PIBF1: variants seen among roughly 807,000 people sequenced by gnomAD.
PIBF1 encodes the protein progesterone-induced-blocking factor 1.
A neutral mutation model predicts 112.5 loss-of-function variants in PIBF1; 90 were observed. The ratio of observed to expected loss-of-function variants is 0.80; its 90% CI spans 0.67 to 0.95. The LOEUF (loss-of-function observed/expected upper bound fraction) is 0.95. Among genes scored for constraint, PIBF1 ranks in the 40% least tolerant of loss-of-function variants. The pLI, the probability that PIBF1 is intolerant of heterozygous loss-of-function variation, is 0.00. For missense variants in PIBF1, 915 were observed against 852.3 expected (o/e 1.07, Z -0.92); for synonymous variants, 301 against 288.6 (o/e 1.04, Z -0.44).
chr13:72,860,287 C>T (rs2038631189), intron 10 of PIBF1, among the ~76,000 whole-genome samples: 1 of 148,364 alleles, frequency 6.7e-6, no homozygotes, highest in Admixed American at 6.8e-5. Flanking sequence ...CTGTAGTTCG[C>T]TTTCCCTGTG....
At chr13:72,880,058 T>C (rs1310777851) in intron 10 of PIBF1, among the ~76,000 whole-genome samples, 1 of 152,200 alleles carries the variant, frequency 6.6e-6, no homozygotes, top group Non-Finnish European at 1.5e-5. Context: ...CAGTGATAAT[T>C]GTCTGTCTGT....
intron 10 of PIBF1, among the ~76,000 whole-genome samples, chr13:72,869,272 G>A (rs1045005971): frequency 3.3e-5 from 5 of 152,036 alleles, no homozygotes; most frequent in Admixed American, 6.6e-5. Context: ...TACACCATGG[G>A]ATACTATGCA....
At chr13:72,963,597 ATAAG>A (rs1310112263) in intron 14 of PIBF1, among the ~76,000 whole-genome samples, 1 of 152,182 alleles carries the variant, frequency 6.6e-6, no homozygotes, top group Non-Finnish European at 1.5e-5. Context: ...CCATCTCAAA[ATAAG>A]TAAGTAAGTA....
At chr13:72,931,742 ATG>A (rs1555317868) in intron 14 of PIBF1, among the ~76,000 whole-genome samples, 1 of 142,064 alleles carries the variant, frequency 7.0e-6, no homozygotes, top group African/African-American at 2.6e-5. Context: ...ATATATATAT[ATG>A]TATGCATTTT....
intron 12 of PIBF1, among the ~76,000 whole-genome samples, chr13:72,911,218 A>G (rs2138668347): frequency 6.6e-6 from 1 of 152,288 alleles, no homozygotes; most frequent in East Asian, 1.9e-4. Context: ...AATTGGAAGA[A>G]TTGCACTACC....
chr13:72,905,386 A>C (rs1265812770), intron 11 of PIBF1, among the ~76,000 whole-genome samples: 1 of 152,000 alleles, frequency 6.6e-6, no homozygotes, highest in Non-Finnish European at 1.5e-5. Context: ...ACTTTTAACC[A>C]CCACAATATT....
rs1170646568 is a variant in PIBF1, at chr13:72,931,214, A to G, written c.1780A>G (p.Ile594Val). 6.2e-7 allele frequency: 1 copy of G among 1,613,216 alleles called. No homozygotes were observed. Among genetic ancestry groups the G allele is most frequent in the East Asian group, 2.2e-5 (1 of 44,776 alleles). The change falls in exon 14 of 18, where the codon ATT becomes GTT. Residue 594 changes from isoleucine (I) to valine (V), a missense_variant. Physicochemically the swap from Ile to Val is conservative, Grantham distance 29. Coordinates refer to ENST00000326291, the MANE Select transcript of PIBF1 (RefSeq NM_006346.4). Reference sequence around the variant, plus strand: ...TCAATTAGAAAAACAAAACTCGCTGATTTTAAAAGATCTGGAACATCGAAA... The same window carrying G: ...TCAATTAGAAAAACAAAACTCGCTGGTTTTAAAAGATCTGGAACATCGAAA... Reference protein sequence around the residue: ...VLQLEKQNSLILKDLEHRKDQ... With the variant: ...VLQLEKQNSLVLKDLEHRKDQ...
chr13:72,782,536 G>A (rs2034326516), intron 1 of PIBF1, among the ~76,000 whole-genome samples, 187 bp downstream of exon 1: 1 of 152,102 alleles, frequency 6.6e-6, no homozygotes, highest in Admixed American at 6.5e-5. Flanking sequence ...AAGAAGGAGG[G>A]AGGCCGATCT....
chr13:72,956,145 T>C (rs2042439265), intron 14 of PIBF1, among the ~76,000 whole-genome samples: 1 of 152,118 alleles, frequency 6.6e-6, no homozygotes, highest in South Asian at 2.1e-4. Context: ...CATTATGAAT[T>C]CATGTTATTG....
At chr13:72,830,899 C>T (rs2037075416) in intron 8 of PIBF1, among the ~76,000 whole-genome samples, 2 of 152,076 alleles carry the variant, frequency 1.3e-5, no homozygotes, top group East Asian at 1.9e-4. Flanking sequence ...TCCATCTCAT[C>T]CTGGATTTTT....
Position 72,905,818 on chromosome 13 carries a change from G to T in PIBF1, c.1489-2713G>T, listed in dbSNP as rs139649908. On this transcript the variant is annotated intron_variant, in intron 11 of 17. Coordinates refer to ENST00000326291, the MANE Select transcript of PIBF1 (RefSeq NM_006346.4). Reference sequence around the variant, plus strand: ...AGTAATTATTATGCTTTGTTTAAAGGTCATATATGGAAAAACACCTTTCTA... The same window carrying T: ...AGTAATTATTATGCTTTGTTTAAAGTTCATATATGGAAAAACACCTTTCTA... 4.7e-3 allele frequency among the ~76,000 whole-genome samples: 722 copies of T among 152,238 alleles called. 2 individuals are homozygous for T. Among genetic ancestry groups the T allele is most frequent in the African/African-American group, 0.015 (610 of 41,544 alleles).
chr13:72,917,330 A>G lies in PIBF1; in HGVS notation c.1730+164A>G, dbSNP rs115272568. ...AAACACTAATAATCATGTATTTCAT[A>G]TATATTTAAATAAATTTAGTGGTTT... is the stretch of plus-strand genomic sequence containing the variant. On this transcript the variant is annotated intron_variant, in intron 13 of 17. Transcript: ENST00000326291. Among the ~76,000 whole-genome samples, 812 of 152,202 alleles carry G rather than the reference A, an allele frequency of 5.3e-3. 15 individuals are homozygous for G. Among genetic ancestry groups the G allele is most frequent in the African/African-American group, 0.018 (761 of 41,506 alleles).
At chr13:72,895,755 C>CTCCAGATT (rs1555308734) in intron 11 of PIBF1, among the ~76,000 whole-genome samples, 3 of 85,898 alleles carry the variant, frequency 3.5e-5, no homozygotes, top group African/African-American at 6.8e-5. Context: ...AGCTCCAGAT[C>CTCCAGATT]GACTGCAAGA....
At chr13:72,874,049 C>T (rs1023283039) in intron 10 of PIBF1, among the ~76,000 whole-genome samples, 2 of 152,148 alleles carry the variant, frequency 1.3e-5, no homozygotes, top group African/African-American at 2.4e-5. Flanking sequence ...TTCATTACCA[C>T]TACAACCACT....
At position 72,859,042 on chromosome 13, in the gene PIBF1, A is replaced by G. The variant is rs185540051; in HGVS notation, c.1322+4887A>G. Reference sequence around the variant, plus strand: ...AACTATAATGGATGTAAGTACTTTGATAAACCTTTGCTTTTTTCATTGTCA... The same window carrying G: ...AACTATAATGGATGTAAGTACTTTGGTAAACCTTTGCTTTTTTCATTGTCA... On this transcript the variant is annotated intron_variant, in intron 10 of 17. Coordinates refer to ENST00000326291, the MANE Select transcript of PIBF1 (RefSeq NM_006346.4). Among the ~76,000 whole-genome samples the G allele has an allele frequency of 3.5e-3, 530 of 152,282 alleles. 2 individuals carry two copies. The highest frequency in any genetic ancestry group is 6.8e-3 in the Middle Eastern group (2 of 292).
intron 5 of PIBF1, among the ~76,000 whole-genome samples, chr13:72,807,867 A>G (rs1418562314): frequency 6.6e-6 from 1 of 152,192 alleles, no homozygotes; most frequent in Non-Finnish European, 1.5e-5. Context: ...TCACAATGAC[A>G]CCAGTATATT....
chr13:72,959,259 G>A (rs1056167294), intron 14 of PIBF1, among the ~76,000 whole-genome samples: 1 of 152,066 alleles, frequency 6.6e-6, no homozygotes, highest in Non-Finnish European at 1.5e-5. Context: ...GCTTCCCAAA[G>A]TGCTGGGATT....
intron 13 of PIBF1, among the ~76,000 whole-genome samples, chr13:72,923,832 T>C (rs1483087572): frequency 6.6e-6 from 1 of 152,050 alleles, no homozygotes. Flanking sequence ...GGCATAGTGG[T>C]GGGCGCCTGT....
intron 9 of PIBF1, among the ~76,000 whole-genome samples, chr13:72,843,587 C>G (rs7491261): frequency 0.022 from 3,333 of 152,218 alleles, 136 homozygotes; most frequent in African/African-American, 0.076. Flanking sequence ...AATTTTTGTA[C>G]TTTTAGTAGA....
Sources: gnomAD v4.1 joint callset for allele counts (sites outside exome capture counted in the v4.1 genomes callset) on GRCh38, gnomAD v4.1.1 for gene constraint, MANE v1.5 for transcripts, NCBI Gene and HGNC (gene_info 2026-07-23, HGNC 2026-07-21) for gene names.